The following POMGNT2 variants were observed in gnomAD, a reference collection of about 807,000 sequenced individuals.
The protein encoded by POMGNT2 is protein O-linked mannose N-acetylglucosaminyltransferase 2 (beta 1,4-).
A neutral mutation model predicts 37.8 loss-of-function variants in POMGNT2; 32 were observed. The ratio of observed to expected loss-of-function variants is 0.85; its 90% confidence interval spans 0.64 to 1.14. POMGNT2 has a LOEUF of 1.14. Among genes scored for constraint, POMGNT2 ranks in the 50% most tolerant of loss-of-function variants. The pLI is 0.00. For missense variants in POMGNT2, 705 were observed against 780.6 expected (o/e 0.90, Z 1.15); for synonymous variants, 340 against 336.8 (o/e 1.01, Z -0.10).
chr3:43,100,212 G>A (rs1402997008), intron 1 of POMGNT2, among the ~76,000 whole-genome samples: 1 of 151,720 alleles, frequency 6.6e-6, no homozygotes, highest in Admixed American at 6.6e-5. Flanking sequence ...CTGCATATGT[G>A]ACTTCAACCA....
In POMGNT2 at chr3:43,081,402, G is replaced by T; in HGVS notation, c.30C>A (p.Leu10=). Residue 10 remains leucine (L), a synonymous_variant, in exon 2 of 2, where the codon CTC becomes CTA. Coordinates refer to ENST00000344697, the MANE Select transcript of POMGNT2 (RefSeq NM_032806.6). ...GGACCGCTGCCAGCACCGACACCAGGAGGGCGTTGAACACCGCCGAGAGGT... is the reference window on the plus strand; with the variant it reads ...GGACCGCTGCCAGCACCGACACCAGTAGGGCGTTGAACACCGCCGAGAGGT... MHLSAVFNA[L]LVSVLAAVLW... 6.3e-7 allele frequency: 1 copy of T among 1,594,868 alleles called. No homozygotes were observed.
intron 1 of POMGNT2, among the ~76,000 whole-genome samples, chr3:43,083,451 G>A (rs1311929146): frequency 6.6e-6 from 1 of 152,172 alleles, no homozygotes; most frequent in Non-Finnish European, 1.5e-5. Context: ...TCTGGAGTAT[G>A]GCTCAGGCAT....
chr3:43,098,093 AGCAACGGTGCAGAAG>A lies in POMGNT2; in HGVS notation c.-106+7728_-106+7742del, dbSNP rs2089992608. Among the ~76,000 whole-genome samples, 1 of 152,264 alleles carries A rather than the reference AGCAACGGTGCAGAAG, an allele frequency of 6.6e-6. No individual in the cohort carries two copies. Among genetic ancestry groups the A allele is most frequent in the Admixed American group, 6.5e-5 (1 of 15,288 alleles). ...GCAGGGCCCAGGCCAGGAGGGGGTC[AGCAACGGTGCAGAAG>A]GTTTTATATTTTACTTTCACAGCAA... On this transcript the variant is annotated intron_variant, in intron 1 of 1. Coordinates refer to ENST00000344697, the MANE Select transcript of POMGNT2 (RefSeq NM_032806.6). The surrounding 1 kb of genome is among the most constrained non-coding windows in gnomAD (Gnocchi z 4.3).
intron 1 of POMGNT2, among the ~76,000 whole-genome samples, chr3:43,102,246 G>C (rs1038776537): frequency 3.3e-5 from 5 of 152,176 alleles, no homozygotes; most frequent in African/African-American, 1.2e-4. Context: ...TCATCACTGG[G>C]TGTGGCAATA....
chr3:43,091,580 G>A (rs568194241), intron 1 of POMGNT2, among the ~76,000 whole-genome samples: 27 of 152,236 alleles, frequency 1.8e-4, no homozygotes, highest in African/African-American at 6.5e-4. Flanking sequence ...ATTAGTGGGT[G>A]AAAAAGTATG....
intron 1 of POMGNT2, among the ~76,000 whole-genome samples, chr3:43,081,930 G>A (rs1180754446): frequency 2.6e-5 from 4 of 152,272 alleles, no homozygotes; most frequent in Non-Finnish European, 4.4e-5. Context: ...AGATACGCAT[G>A]AAGCAGAACT....
intron 1 of POMGNT2, among the ~76,000 whole-genome samples, chr3:43,082,569 T>C (rs991049577): frequency 6.6e-6 from 1 of 152,174 alleles, no homozygotes; most frequent in African/African-American, 2.4e-5. Flanking sequence ...TCTTGCGATA[T>C]TGTGAAGGGT....
intron 1 of POMGNT2, among the ~76,000 whole-genome samples, chr3:43,104,688 A>G (rs902976829): frequency 6.6e-6 from 1 of 152,218 alleles, no homozygotes; most frequent in Non-Finnish European, 1.5e-5. Flanking sequence ...GAGGGCAGCT[A>G]GTACCATTAA....
In POMGNT2 at chr3:43,098,650, C is replaced by G. The variant is rs2089996240; in HGVS notation, c.-106+7186G>C. Among the ~76,000 whole-genome samples the G allele has an allele frequency of 6.6e-6, 1 of 152,104 alleles. No individual in the cohort carries two copies. Among genetic ancestry groups the G allele is most frequent in the Admixed American group, 6.6e-5 (1 of 15,266 alleles). ...TCTTGCTTTAGAATAAAGAGCAAAG[C>G]AAAGTCAAAGCTGGAGACATTAATC... is the stretch of plus-strand genomic sequence containing the variant. On this transcript the variant is annotated intron_variant, in intron 1 of 1. Transcript: ENST00000344697. This position sits in a 1 kb window ranked among gnomAD's most constrained non-coding sequence, Gnocchi z 4.3.
intron 1 of POMGNT2, among the ~76,000 whole-genome samples, chr3:43,102,895 C>T (rs957011681): frequency 6.6e-6 from 1 of 151,986 alleles, no homozygotes; most frequent in South Asian, 2.1e-4. Context: ...GGTGTGGTGG[C>T]CCTGGAAATG....
In POMGNT2 at chr3:43,106,033, T is replaced by G. The variant is rs939437; in HGVS notation, c.-303A>C. The G allele has an allele frequency of 4.0e-4, 60 of 151,422 alleles. No individual in the cohort carries two copies. The highest frequency in any genetic ancestry group is 1.3e-3 in the African/African-American group (52 of 41,360). 9.4% of individuals were successfully genotyped at this position (151,422 alleles called of 1,614,324 possible). A position where few individuals can be genotyped will look rare whatever the true frequency, so the allele number is the denominator to read the frequency against. ...ACCGCCACCTCCAGGCTCGCAGGTG[T>G]CCGCCGTGCGCCTGCCCGGCGGGCG... On this transcript the variant is annotated 5_prime_UTR_variant, in exon 1 of 2. Transcript: ENST00000344697.
intron 1 of POMGNT2, among the ~76,000 whole-genome samples, chr3:43,089,483 G>A (rs1559417754): frequency 1.3e-5 from 2 of 152,210 alleles, no homozygotes; most frequent in Admixed American, 1.3e-4. Flanking sequence ...AGTTTGAACT[G>A]TATCTTCTAG....
chr3:43,086,974 G>A (rs1458531701), intron 1 of POMGNT2, among the ~76,000 whole-genome samples: 1 of 152,168 alleles, frequency 6.6e-6, no homozygotes, highest in Non-Finnish European at 1.5e-5. Context: ...TAAATCCAAT[G>A]TGACTACCCT....
chr3:43,080,193 G>GC lies in POMGNT2; in HGVS notation c.1238dup (p.Ile414HisfsTer8). ...GCTCAGCCCGGTCCAGATGGGTGAT[G>GC]CCCCCCTGATCCCAGGGCCGCTCAG... On this transcript the variant is annotated frameshift_variant, in exon 2 of 2. Transcript: ENST00000344697. LOFTEE classifies it high-confidence loss of function. The GC allele has an allele frequency of 6.2e-7, 1 of 1,613,938 alleles. No individual in the cohort carries two copies. The highest frequency in any genetic ancestry group is 8.5e-7 in the Non-Finnish European group (1 of 1,179,906).
chr3:43,097,118 C>A (rs776071230), intron 1 of POMGNT2, among the ~76,000 whole-genome samples: 1 of 152,114 alleles, frequency 6.6e-6, no homozygotes, highest in Non-Finnish European at 1.5e-5. Flanking sequence ...GCCCCAGACA[C>A]GGGCACAGAA....
chr3:43,104,410 A>C (rs1559422529), intron 1 of POMGNT2, among the ~76,000 whole-genome samples: 1 of 152,226 alleles, frequency 6.6e-6, no homozygotes, highest in Non-Finnish European at 1.5e-5. Context: ...AATATTTTCT[A>C]AAGCAAGGCT....
chr3:43,081,229 A>C lies in POMGNT2; in HGVS notation c.203T>G (p.Val68Gly). Residue 68 changes from valine to glycine, a missense_variant, in exon 2 of 2, where the codon GTG becomes GGG. Coordinates refer to ENST00000344697, the MANE Select transcript of POMGNT2 (RefSeq NM_032806.6). Reference sequence around the variant, plus strand: ...GTCTGTGTGCGTGCGGCCCGTGCACACCATGTGTGTGCCGCCCTCCATCAG... The same window carrying C: ...GTCTGTGTGCGTGCGGCCCGTGCACCCCATGTGTGTGCCGCCCTCCATCAG... ...QILMEGGTHM[V>G]CTGRTHTDRI... The C allele has an allele frequency of 6.2e-7, 1 of 1,613,992 alleles. No individual in the cohort carries two copies. Among genetic ancestry groups the C allele is most frequent in the Non-Finnish European group, 8.5e-7 (1 of 1,180,024 alleles).
In POMGNT2 at chr3:43,081,248, C is replaced by T; in HGVS notation, c.184G>A (p.Glu62Lys). Reference protein sequence around the residue: ...DYPKALQILMEGGTHMVCTGR... With the variant: ...DYPKALQILMKGGTHMVCTGR... ...GTGCACACCATGTGTGTGCCGCCCT[C>T]CATCAGGATCTGCAGTGCCTTCGGG... The change falls in exon 2 of 2, where the codon GAG becomes AAG. Residue 62 changes from glutamate (E) to lysine (K), a missense_variant. Coordinates refer to ENST00000344697, the MANE Select transcript of POMGNT2 (RefSeq NM_032806.6). 3 of 1,613,890 alleles carry T rather than the reference C, an allele frequency of 1.9e-6. No individual in the cohort carries two copies. The highest frequency in any genetic ancestry group is 2.5e-6 in the Non-Finnish European group (3 of 1,180,020).
intron 1 of POMGNT2, among the ~76,000 whole-genome samples, chr3:43,089,351 GC>G (rs1269148215): frequency 1.3e-5 from 2 of 152,194 alleles, no homozygotes; most frequent in African/African-American, 4.8e-5. Flanking sequence ...GGGCTAGGAG[GC>G]AGTCCAGGGA....
Sources: allele counts gnomAD v4.1 joint callset (sites outside exome capture counted in the v4.1 genomes callset), GRCh38; gene constraint gnomAD v4.1.1; non-coding constraint Gnocchi (gnomAD v3.1); transcripts MANE v1.5; gene names NCBI Gene and HGNC (gene_info 2026-07-23, HGNC 2026-07-21).